Variants in PTPRG observed in about 807,000 individuals in gnomAD.
The protein encoded by PTPRG is receptor-type tyrosine-protein phosphatase gamma.
A neutral mutation model predicts 165.3 loss-of-function variants in PTPRG; 102 were observed. The observed-to-expected ratio is 0.62, with a 90% CI of 0.53 to 0.73. The LOEUF (loss-of-function observed/expected upper bound fraction) is 0.73. Among genes scored for constraint, PTPRG ranks in the 30% least tolerant of loss-of-function variants. The probability of loss-of-function intolerance (pLI) is 0.00; values close to 1 mark genes in which losing one functional copy is unlikely to be tolerated. For synonymous variants in PTPRG, 675 were observed against 669.5 expected (o/e 1.01, Z -0.13); for missense variants, 1,866 against 1,861.4 (o/e 1.00, Z -0.05).
At chr3:62,049,817 G>C (rs1408826574) in intron 4 of PTPRG, among the ~76,000 whole-genome samples, 1 of 152,200 alleles carries the variant, frequency 6.6e-6, no homozygotes, top group Non-Finnish European at 1.5e-5. Flanking sequence ...AAAACTGCTT[G>C]GTTGAAATAA....
intron 2 of PTPRG, among the ~76,000 whole-genome samples, chr3:61,882,581 G>A (rs1426678707): frequency 1.3e-5 from 2 of 152,128 alleles, no homozygotes; most frequent in Non-Finnish European, 2.9e-5. Flanking sequence ...TTCTACAAAA[G>A]TCCTGCATAC....
chr3:62,125,520 G>C (rs1364225677), intron 5 of PTPRG, among the ~76,000 whole-genome samples: 1 of 152,078 alleles, frequency 6.6e-6, no homozygotes, highest in Non-Finnish European at 1.5e-5. Context: ...TCTCCACTAA[G>C]CCTTTGATAT....
At chr3:62,223,150 T>C (rs905931689) in intron 13 of PTPRG, among the ~76,000 whole-genome samples, 4 of 152,008 alleles carry the variant, frequency 2.6e-5, no homozygotes, top group African/African-American at 9.7e-5. Flanking sequence ...GGCCGGATCA[T>C]GAGGGCCTCA....
intron 1 of PTPRG, among the ~76,000 whole-genome samples, chr3:61,686,679 T>C (rs1183154979): frequency 6.6e-6 from 1 of 152,216 alleles, no homozygotes; most frequent in Non-Finnish European, 1.5e-5. Flanking sequence ...TAATAAATTA[T>C]ACTATGCTAA....
intron 1 of PTPRG, among the ~76,000 whole-genome samples, chr3:61,633,785 G>A (rs1237221059): frequency 6.6e-6 from 1 of 152,034 alleles, no homozygotes; most frequent in East Asian, 1.9e-4. Flanking sequence ...CCTTATCTTA[G>A]GAGGAAAAAT....
chr3:61,593,318 A>T (rs1231664882), intron 1 of PTPRG, among the ~76,000 whole-genome samples: 3 of 151,666 alleles, frequency 2.0e-5, no homozygotes, highest in African/African-American at 7.3e-5. Context: ...ACCATGATGA[A>T]TTGCTTTTAG....
At chr3:62,101,567 C>A (rs1702290619) in intron 5 of PTPRG, among the ~76,000 whole-genome samples, 1 of 152,238 alleles carries the variant, frequency 6.6e-6, no homozygotes, top group Admixed American at 6.5e-5. Context: ...GAAATGTTCA[C>A]TTTGACTGCA....
chr3:61,938,678 G>T (rs1209904328), intron 2 of PTPRG, among the ~76,000 whole-genome samples: 6 of 152,056 alleles, frequency 3.9e-5, no homozygotes, highest in Non-Finnish European at 8.8e-5. Context: ...TGAAATATTT[G>T]CTGTTGCTCT....
chr3:61,671,746 G>A (rs1478775736), intron 1 of PTPRG, among the ~76,000 whole-genome samples: 2 of 140,104 alleles, frequency 1.4e-5, no homozygotes, highest in Non-Finnish European at 3.1e-5. Context: ...CCTCCTGGAC[G>A]GGGCGGCTGG....
chr3:62,275,887 T>C lies in PTPRG; in HGVS notation c.3480T>C (p.Cys1160=), dbSNP rs1702215837. 1 of 1,609,610 alleles carries C rather than the reference T, an allele frequency of 6.2e-7. No individual in the cohort carries two copies. The highest frequency in any genetic ancestry group is 8.5e-7 in the Non-Finnish European group (1 of 1,177,134). Residue 1160 remains cysteine (C), a synonymous_variant, in exon 24 of 30, where the codon TGT becomes TGC. Coordinates refer to ENST00000474889, the MANE Select transcript of PTPRG (RefSeq NM_002841.4). ...TTCTTTTTCAGCTGGTCACACAGTGTAATGCAAAATATGTGGAATGTTTCA... is the reference window on the plus strand; with the variant it reads ...TTCTTTTTCAGCTGGTCACACAGTGCAATGCAAAATATGTGGAATGTTTCA... The part of the protein sequence containing the change: ...LEKQFKLVTQ[C]NAKYVECFSA...
intron 1 of PTPRG, among the ~76,000 whole-genome samples, chr3:61,701,568 A>C (rs1040731778): frequency 2.0e-5 from 3 of 152,208 alleles, no homozygotes; most frequent in Non-Finnish European, 2.9e-5. Flanking sequence ...GAGTGCAGAA[A>C]CATTTCTAAC....
intron 2 of PTPRG, among the ~76,000 whole-genome samples, chr3:61,889,981 C>T (rs1404011194): frequency 2.0e-5 from 3 of 152,164 alleles, no homozygotes; most frequent in African/African-American, 4.8e-5. Context: ...ATTATTTTAG[C>T]AAGTATTCTG....
intron 2 of PTPRG, among the ~76,000 whole-genome samples, chr3:61,966,590 G>C (rs539539785): frequency 6.6e-6 from 1 of 152,202 alleles, no homozygotes; most frequent in South Asian, 2.1e-4. Context: ...ATGTAAAGAT[G>C]ACTAGGACCC....
chr3:61,738,322 ATATATATATATATATG>A (rs2032834344), intron 1 of PTPRG, among the ~76,000 whole-genome samples: 3 of 46,736 alleles, frequency 6.4e-5, no homozygotes, highest in Non-Finnish European at 1.0e-4. Flanking sequence ...ACATATATAT[ATATATATATATATATG>A]TATATATATA....
intron 8 of PTPRG, among the ~76,000 whole-genome samples, chr3:62,180,015 A>G (rs4513446): frequency 0.15 from 22,472 of 152,246 alleles, 1,971 homozygotes; most frequent in African/African-American, 0.24. Context: ...CCAGGACACT[A>G]CTTTTAAGCA....
intron 1 of PTPRG, among the ~76,000 whole-genome samples, chr3:61,580,432 A>C (rs1294884025): frequency 2.0e-5 from 3 of 147,372 alleles, no homozygotes; most frequent in Non-Finnish European, 4.5e-5. Flanking sequence ...CCAGGCTGGA[A>C]TGTAGTGGCG....
chr3:61,619,381 C>G (rs973116774), intron 1 of PTPRG, among the ~76,000 whole-genome samples: 1 of 152,132 alleles, frequency 6.6e-6, no homozygotes, highest in African/African-American at 2.4e-5. Flanking sequence ...GTTTTGTTCT[C>G]TTCCAAGGGG....
intron 1 of PTPRG, among the ~76,000 whole-genome samples, chr3:61,621,561 C>T (rs1354428105): frequency 6.6e-6 from 1 of 152,088 alleles, no homozygotes; most frequent in East Asian, 1.9e-4. Context: ...TCGCTTCCTC[C>T]CTCTTTCTCT....
chr3:62,078,075 G>A lies in PTPRG; in HGVS notation c.520-88G>A, dbSNP rs146860361. Reference sequence around the variant, plus strand: ...ATTTGGCAAAATCTTATTAGCAACTGGGGAATATACATTTATGGTACTATT... The same window carrying A: ...ATTTGGCAAAATCTTATTAGCAACTAGGGAATATACATTTATGGTACTATT... On this transcript the variant is annotated intron_variant, in intron 4 of 29. Transcript: ENST00000474889. 1.7e-5 allele frequency: 14 copies of A among 831,522 alleles called. No homozygotes were observed. In the African/African-American group the frequency reaches 2.3e-4, roughly 14 times the overall value. 51.5% of individuals were successfully genotyped at this position (831,522 alleles called of 1,614,324 possible). A position where few individuals can be genotyped will look rare whatever the true frequency, so the allele number is the denominator to read the frequency against.
Sources: gnomAD v4.1 joint callset for allele counts (sites outside exome capture counted in the v4.1 genomes callset) on GRCh38, gnomAD v4.1.1 for gene constraint, MANE v1.5 for transcripts, NCBI Gene and HGNC (gene_info 2026-07-23, HGNC 2026-07-21) for gene names.